CSMD1: variants seen among roughly 807,000 people sequenced by gnomAD.
CSMD1 encodes the protein CUB and Sushi multiple domains 1.
A neutral mutation model predicts 417.5 loss-of-function variants in CSMD1; 213 were observed. The observed-to-expected ratio is 0.51, with a 90% confidence interval of 0.46 to 0.57. The LOEUF is 0.57. CSMD1 is among the 20% of genes least tolerant of loss of function. The pLI is 0.00. For synonymous variants in CSMD1, 2,862 were observed against 1,736.8 expected (o/e 1.65, Z -16.11); for missense variants, 6,923 against 4,529.7 (o/e 1.53, Z -15.17).
chr8:3,636,472 C>T (rs1226413115), intron 7 of CSMD1, among the ~76,000 whole-genome samples: 1 of 152,190 alleles, frequency 6.6e-6, no homozygotes, highest in Non-Finnish European at 1.5e-5. Flanking sequence ...GCCACCTCTC[C>T]TGTCCCTGGA....
chr8:4,845,698 C>T (rs1015685370), intron 1 of CSMD1, among the ~76,000 whole-genome samples: 1 of 152,144 alleles, frequency 6.6e-6, no homozygotes, highest in Non-Finnish European at 1.5e-5. Context: ...GTCTAGGAGA[C>T]AATGGTGTGC....
intron 5 of CSMD1, among the ~76,000 whole-genome samples, chr8:3,862,905 T>C (rs747832864): frequency 2.6e-5 from 4 of 152,198 alleles, no homozygotes; most frequent in African/African-American, 4.8e-5. Context: ...CCAGGACCTA[T>C]AGCAAATTAC....
At chr8:3,339,178 T>A (rs1807478426) in intron 23 of CSMD1, among the ~76,000 whole-genome samples, 1 of 152,106 alleles carries the variant, frequency 6.6e-6, no homozygotes, top group Non-Finnish European at 1.5e-5. Context: ...TCATTTTTTA[T>A]GGCTGCATAG....
At chr8:4,244,966 C>T (rs1445426584) in intron 3 of CSMD1, among the ~76,000 whole-genome samples, 1 of 152,088 alleles carries the variant, frequency 6.6e-6, no homozygotes, top group African/African-American at 2.4e-5. Context: ...TTTAAAATAA[C>T]CAAAAGCCTG....
intron 5 of CSMD1, among the ~76,000 whole-genome samples, chr8:3,892,356 G>C (rs889815745): frequency 6.6e-6 from 1 of 151,994 alleles, no homozygotes; most frequent in Non-Finnish European, 1.5e-5. Context: ...AGACGTGTGG[G>C]GAACGTATTA....
At chr8:4,193,440 C>T (rs1217150681) in intron 3 of CSMD1, among the ~76,000 whole-genome samples, 2 of 151,772 alleles carry the variant, frequency 1.3e-5, no homozygotes, top group East Asian at 1.9e-4. Context: ...ATCCAGGTAC[C>T]CATGCCAGGT....
intron 5 of CSMD1, among the ~76,000 whole-genome samples, chr8:3,889,044 T>C (rs1213601034): frequency 6.6e-6 from 1 of 152,134 alleles, no homozygotes; most frequent in Non-Finnish European, 1.5e-5. Context: ...ATACAATTCT[T>C]AAAAGGAGCT....
At chr8:4,366,302 TACC>T (rs1463849511) in intron 3 of CSMD1, among the ~76,000 whole-genome samples, 2 of 152,194 alleles carry the variant, frequency 1.3e-5, no homozygotes, top group Non-Finnish European at 2.9e-5. Context: ...TTTGCATATG[TACC>T]ACATTTTCTT....
intron 20 of CSMD1, among the ~76,000 whole-genome samples, chr8:3,359,576 G>A (rs1388814050): frequency 1.3e-5 from 2 of 150,312 alleles, no homozygotes; most frequent in African/African-American, 4.9e-5. Context: ...GTAAGAATGA[G>A]AATTACTAGA....
At chr8:4,005,264 T>C (rs921484217) in intron 4 of CSMD1, among the ~76,000 whole-genome samples, 5 of 152,156 alleles carry the variant, frequency 3.3e-5, no homozygotes, top group African/African-American at 1.2e-4. Flanking sequence ...AAACACCATC[T>C]ACACCCCAAT....
At chr8:4,246,731 T>C (rs1802737420) in intron 3 of CSMD1, among the ~76,000 whole-genome samples, 1 of 152,182 alleles carries the variant, frequency 6.6e-6, no homozygotes, top group Non-Finnish European at 1.5e-5. Flanking sequence ...GGAATAATGA[T>C]TGTATTTATT....
At chr8:3,308,906 GTAGAGACGGGGTTTCA>G (rs1805106201) in intron 23 of CSMD1, among the ~76,000 whole-genome samples, 1 of 151,978 alleles carries the variant, frequency 6.6e-6, no homozygotes, top group African/African-American at 2.4e-5. Context: ...TGTATTTTTA[GTAGAGACGGGGTTTCA>G]CTATGTTGGC....
chr8:4,078,502 G>T (rs547840492), intron 3 of CSMD1, among the ~76,000 whole-genome samples: 1 of 151,736 alleles, frequency 6.6e-6, no homozygotes, highest in Non-Finnish European at 1.5e-5. Flanking sequence ...CTGACCTTGT[G>T]ATCTGCCCAC....
intron 1 of CSMD1, among the ~76,000 whole-genome samples, chr8:4,665,171 C>T (rs939652274): frequency 3.3e-5 from 5 of 152,166 alleles, no homozygotes; most frequent in Admixed American, 3.3e-4. Context: ...TAGGTCTTTT[C>T]TGTTTGTCCA....
intron 26 of CSMD1, among the ~76,000 whole-genome samples, chr8:3,269,340 C>T (rs887547321): frequency 1.3e-5 from 2 of 152,222 alleles, no homozygotes; most frequent in African/African-American, 4.8e-5. Context: ...TCCAGCTACG[C>T]TTGTCTTGTG....
chr8:4,229,063 G>C (rs1801542052), intron 3 of CSMD1, among the ~76,000 whole-genome samples: 1 of 152,182 alleles, frequency 6.6e-6, no homozygotes, highest in South Asian at 2.1e-4. Flanking sequence ...ATCAGACTAA[G>C]CTTTCCCAAA....
intron 3 of CSMD1, among the ~76,000 whole-genome samples, chr8:4,387,570 C>G (rs371159133): frequency 2.7e-5 from 1 of 37,208 alleles, no homozygotes; most frequent in African/African-American, 7.3e-5. Context: ...TCCAAACTGG[C>G]AAAAAAAAAA....
At chr8:4,780,675 G>T in intron 1 of CSMD1, among the ~76,000 whole-genome samples, 1 of 152,024 alleles carries the variant, frequency 6.6e-6, no homozygotes, top group African/African-American at 2.4e-5. Context: ...TCACCCGAGT[G>T]GTATACACTG....
intron 5 of CSMD1, among the ~76,000 whole-genome samples, chr8:3,800,562 G>T (rs1800399763): frequency 6.6e-6 from 1 of 152,214 alleles, no homozygotes; most frequent in African/African-American, 2.4e-5. Flanking sequence ...GCTTGGATAT[G>T]GTTGTCTCCA....
Sources: gnomAD v4.1 joint callset for allele counts (sites outside exome capture counted in the v4.1 genomes callset) on GRCh38, gnomAD v4.1.1 for gene constraint, MANE v1.5 for transcripts, NCBI Gene and HGNC (gene_info 2026-07-23, HGNC 2026-07-21) for gene names.